Variants in CACNA2D3 observed in about 807,000 individuals in gnomAD.
CACNA2D3 encodes the protein calcium voltage-gated channel auxiliary subunit alpha2delta 3, also known as voltage-dependent calcium channel subunit alpha-2/delta-3.
CACNA2D3 carries 60 observed loss-of-function variants against 160.6 expected under a neutral mutation model. The observed-to-expected ratio is 0.37, with a 90% CI of 0.30 to 0.46. The LOEUF (loss-of-function observed/expected upper bound fraction) is 0.46. CACNA2D3 is among the 20% of genes least tolerant of loss of function. The probability of loss-of-function intolerance (pLI) is 1.00; values close to 1 mark genes in which losing one functional copy is unlikely to be tolerated. For missense variants in CACNA2D3, 1,205 were observed against 1,365.0 expected, an observed-to-expected ratio of 0.88 and a Z score of 1.85; for synonymous variants, 558 against 492.9, an observed-to-expected ratio of 1.13 and a Z score of -1.75.
Position 54,645,790 on chromosome 3 carries a change from T to C in CACNA2D3, c.1167+3549T>C, listed in dbSNP as rs1015952665. Among the ~76,000 whole-genome samples, 4 of 152,198 alleles carry C rather than the reference T, an allele frequency of 2.6e-5. No homozygotes were observed. In the South Asian group the frequency reaches 8.3e-4, roughly 31 times the overall value. Reference sequence around the variant, plus strand: ...TAAGGAAGTATAGCTTTGTGTCCAATACAAATATTGTTTCTGGACCTGTCT... The same window carrying C: ...TAAGGAAGTATAGCTTTGTGTCCAACACAAATATTGTTTCTGGACCTGTCT... On this transcript the variant is annotated intron_variant, in intron 11 of 37. Transcript: ENST00000474759.
intron 5 of CACNA2D3, among the ~76,000 whole-genome samples, chr3:54,541,316 AG>A (rs1208043556): frequency 2.0e-5 from 3 of 151,270 alleles, no homozygotes; most frequent in Admixed American, 1.3e-4. Flanking sequence ...AGAAAAGAAA[AG>A]GAGAAAAGGG....
intron 17 of CACNA2D3, among the ~76,000 whole-genome samples, chr3:54,849,995 A>G (rs543216587): frequency 1.3e-5 from 2 of 152,188 alleles, no homozygotes; most frequent in African/African-American, 2.4e-5. Flanking sequence ...GTGAATCACA[A>G]AGTGTCTCCA....
intron 3 of CACNA2D3, among the ~76,000 whole-genome samples, chr3:54,357,781 C>T (rs577277397): frequency 2.6e-5 from 4 of 152,270 alleles, no homozygotes; most frequent in East Asian, 1.9e-4. Flanking sequence ...GGAGGAAATT[C>T]GAATGCAACC....
At chr3:54,521,838 G>A (rs531679409) in intron 5 of CACNA2D3, among the ~76,000 whole-genome samples, 4 of 152,292 alleles carry the variant, frequency 2.6e-5, no homozygotes, top group South Asian at 2.1e-4. Context: ...ATTGAAGCGA[G>A]TCATGATTCC....
intron 2 of CACNA2D3, among the ~76,000 whole-genome samples, chr3:54,286,398 G>A (rs1210644265): frequency 3.9e-5 from 6 of 152,154 alleles, no homozygotes; most frequent in Non-Finnish European, 8.8e-5. Context: ...AAAAAGAAAC[G>A]AACAAAGCCT....
chr3:54,930,459 T>C (rs1701157382), intron 27 of CACNA2D3, among the ~76,000 whole-genome samples: 1 of 152,168 alleles, frequency 6.6e-6, no homozygotes, highest in Non-Finnish European at 1.5e-5. Context: ...TAGGTTATAG[T>C]GGAGATATTT....
chr3:54,711,274 G>A (rs939905900), intron 11 of CACNA2D3, among the ~76,000 whole-genome samples: 1 of 152,196 alleles, frequency 6.6e-6, no homozygotes, highest in Non-Finnish European at 1.5e-5. Context: ...ATGACATAAA[G>A]TGAACAGCAC....
chr3:54,885,388 T>C (rs1355822405), intron 22 of CACNA2D3, 62 bp downstream of exon 22: 1 of 1,605,398 alleles, frequency 6.2e-7, no homozygotes, highest in Non-Finnish European at 8.5e-7. Context: ...TGATTCCACA[T>C]GGTTTGTGCT....
chr3:54,993,840 G>C (rs1037804762), intron 31 of CACNA2D3, among the ~76,000 whole-genome samples: 1 of 145,604 alleles, frequency 6.9e-6, no homozygotes, highest in African/African-American at 2.6e-5. Flanking sequence ...TGTCTTATCT[G>C]TCTCTCTCTC....
chr3:54,592,557 C>T (rs1702881005), intron 9 of CACNA2D3, among the ~76,000 whole-genome samples: 1 of 152,056 alleles, frequency 6.6e-6, no homozygotes, highest in African/African-American at 2.4e-5. Flanking sequence ...CTACTACAGA[C>T]CTTCTGAACC....
chr3:54,460,929 T>C (rs1700492039), intron 4 of CACNA2D3, among the ~76,000 whole-genome samples: 1 of 152,196 alleles, frequency 6.6e-6, no homozygotes, highest in Admixed American at 6.5e-5. Flanking sequence ...AGATAGCTCT[T>C]ATTATTTTGA....
At chr3:54,881,899 A>G (rs975745042) in intron 21 of CACNA2D3, among the ~76,000 whole-genome samples, 2 of 152,228 alleles carry the variant, frequency 1.3e-5, no homozygotes, top group Non-Finnish European at 2.9e-5. Flanking sequence ...CCAAACCCCT[A>G]GATAGCCTCT....
At chr3:54,725,353 A>C (rs1387767123) in intron 11 of CACNA2D3, among the ~76,000 whole-genome samples, 1 of 152,226 alleles carries the variant, frequency 6.6e-6, no homozygotes, top group Non-Finnish European at 1.5e-5. Flanking sequence ...AGCTAGTACC[A>C]TTCCTTCTGA....
chr3:54,811,465 C>CTTTTTTTTTTTTTTTTTTTTTTTT (rs71096451), intron 13 of CACNA2D3, among the ~76,000 whole-genome samples: 2 of 111,562 alleles, frequency 1.8e-5, no homozygotes, highest in Non-Finnish European at 1.8e-5. Flanking sequence ...TCCCTCAGTT[C>CTTTTTTTTTTTTTTTTTTTTTTTT]TTTTTTTTTT....
chr3:54,768,822 A>C (rs1032037987), intron 13 of CACNA2D3, among the ~76,000 whole-genome samples: 1 of 152,230 alleles, frequency 6.6e-6, no homozygotes, highest in Non-Finnish European at 1.5e-5. Flanking sequence ...TGATAGCCCA[A>C]CATTGTTGCT....
chr3:54,833,357 A>G (rs138108259), intron 14 of CACNA2D3, among the ~76,000 whole-genome samples: 1 of 152,324 alleles, frequency 6.6e-6, no homozygotes, highest in Non-Finnish European at 1.5e-5. Context: ...GATTTTGCCC[A>G]GATGGACCAT....
At chr3:55,069,734 G>A (rs551813442) in intron 35 of CACNA2D3, among the ~76,000 whole-genome samples, 1 of 152,234 alleles carries the variant, frequency 6.6e-6, no homozygotes, top group South Asian at 2.1e-4. Context: ...TTTCAGTTTT[G>A]TTCATGGCAA....
chr3:54,226,168 CT>C (rs1428101509), intron 2 of CACNA2D3, among the ~76,000 whole-genome samples: 1 of 152,090 alleles, frequency 6.6e-6, no homozygotes, highest in Non-Finnish European at 1.5e-5. Flanking sequence ...GGTTTTCTGC[CT>C]TTTGATAGCT....
At chr3:55,000,868 G>A (rs1215464343) in intron 31 of CACNA2D3, among the ~76,000 whole-genome samples, 3 of 152,146 alleles carry the variant, frequency 2.0e-5, no homozygotes, top group African/African-American at 7.2e-5. Flanking sequence ...CTGGGGAACA[G>A]GTCTGAAGCC....
Sources: gnomAD v4.1 joint callset for allele counts (sites outside exome capture counted in the v4.1 genomes callset) on GRCh38, gnomAD v4.1.1 for gene constraint, MANE v1.5 for transcripts, NCBI Gene and HGNC (gene_info 2026-07-23, HGNC 2026-07-21) for gene names.